Variants in FADS2 observed in about 807,000 individuals in gnomAD.
The protein encoded by FADS2 is acyl-CoA 6-desaturase.
FADS2 carries 18 observed loss-of-function variants against 61.2 expected under a neutral mutation model. The ratio of observed to expected loss-of-function variants is 0.29; its 90% CI spans 0.20 to 0.44. The LOEUF (loss-of-function observed/expected upper bound fraction) is 0.44. Among genes scored for constraint, FADS2 ranks in the 20% least tolerant of loss-of-function variants. FADS2 has a pLI of 1.00. For synonymous variants in FADS2, 203 were observed against 223.9 expected, an observed-to-expected ratio of 0.91 and a Z score of 0.83; for missense variants, 322 against 572.7, an observed-to-expected ratio of 0.56 and a Z score of 4.47.
intron 7 of FADS2, among the ~76,000 whole-genome samples, chr11:61,860,795 C>A (rs2067407298): frequency 1.3e-5 from 2 of 152,140 alleles, no homozygotes; most frequent in Admixed American, 1.3e-4. Flanking sequence ...TGTAATCTAC[C>A]TACTTTGGAG....
At chr11:61,839,790 C>A (rs2067203601) in intron 2 of FADS2, among the ~76,000 whole-genome samples, 1 of 152,234 alleles carries the variant, frequency 6.6e-6, no homozygotes, top group African/African-American at 2.4e-5. Context: ...CCCTGGCAGG[C>A]ACCATTCTAC....
chr11:61,835,266 G>A (rs2067163219), intron 1 of FADS2, among the ~76,000 whole-genome samples: 1 of 152,132 alleles, frequency 6.6e-6, no homozygotes, highest in Admixed American at 6.5e-5. Flanking sequence ...CAAAGACCAA[G>A]CAAAGGACTT....
At chr11:61,843,909 C>T (rs2067235912) in intron 4 of FADS2, among the ~76,000 whole-genome samples, 1 of 152,034 alleles carries the variant, frequency 6.6e-6, no homozygotes, top group African/African-American at 2.4e-5. Context: ...GATCCACCTG[C>T]CTTGGCCTCC....
At chr11:61,826,477 C>A (rs942497836), upstream of FADS2, 7 of 639,646 alleles carry the variant, frequency 1.1e-5, no homozygotes, top group Non-Finnish European at 2.0e-5. Context: ...ACACCCTTTA[C>A]AAATGTTCAT....
chr11:61,837,924 C>A, intron 2 of FADS2, 36 bp downstream of exon 2: 1 of 1,484,938 alleles, frequency 6.7e-7, no homozygotes, highest in Non-Finnish European at 9.3e-7. Context: ...GGGGTGGAGA[C>A]GAGGCTGGGG....
chr11:61,857,082 G>A lies in FADS2; in HGVS notation c.805+11G>A, dbSNP rs369560366. 53 of 1,612,712 alleles carry A rather than the reference G, an allele frequency of 3.3e-5. No individual in the cohort carries two copies. Among genetic ancestry groups the A allele is most frequent in the Admixed American group, 8.3e-5 (5 of 59,974 alleles). ...AATACTTCTTCCTGAGTGAGTGCTC[G>A]GCGCCCCGAAATCACTCTGGGACCC... On this transcript the variant is annotated intron_variant, in intron 6 of 11. Transcript: ENST00000278840.
chr11:61,841,615 G>C (rs1164794078), intron 4 of FADS2, among the ~76,000 whole-genome samples: 1 of 151,618 alleles, frequency 6.6e-6, no homozygotes, highest in Non-Finnish European at 1.5e-5. Flanking sequence ...AGCAGCATTT[G>C]AAACAGCAAC....
chr11:61,826,375 T>C (rs1410158557), upstream of FADS2: 4 of 702,602 alleles, frequency 5.7e-6, no homozygotes, highest in South Asian at 1.5e-5. Flanking sequence ...AGGCCACCCA[T>C]ACGTGCTCCC....
chr11:61,843,087 G>A (rs901312855), intron 4 of FADS2, among the ~76,000 whole-genome samples: 1 of 152,220 alleles, frequency 6.6e-6, no homozygotes, highest in Non-Finnish European at 1.5e-5. Context: ...TTACAAAGAC[G>A]ATTCTGAGGT....
Position 61,858,976 on chromosome 11 carries a change from C to A in FADS2, c.882+1446C>A, listed in dbSNP as rs745899172. Among the ~76,000 whole-genome samples the A allele has an allele frequency of 5.3e-5, 8 of 152,212 alleles. No individual in the cohort carries two copies. The South Asian group carries it at 1.2e-3, about 24-fold the overall frequency. On this transcript the variant is annotated intron_variant, in intron 7 of 11. Transcript: ENST00000278840. ...AGTCTTTCTCAGCAGTCTATTTGTCCCTCATGCTCCAACCAATAGCCATGG... is the reference window on the plus strand; with the variant it reads ...AGTCTTTCTCAGCAGTCTATTTGTCACTCATGCTCCAACCAATAGCCATGG...
intron 1 of FADS2, among the ~76,000 whole-genome samples, chr11:61,833,204 T>A (rs937618965): frequency 6.6e-6 from 1 of 152,186 alleles, no homozygotes; most frequent in African/African-American, 2.4e-5. Context: ...TACCAATCCT[T>A]TCTCTTCCCC....
At chr11:61,816,249 C>A, upstream of FADS2, 2 of 1,597,140 alleles carry the variant, frequency 1.3e-6, no homozygotes, top group Non-Finnish European at 1.7e-6. The surrounding 1 kb of genome is among the most constrained non-coding windows in gnomAD (Gnocchi z 7.0). Context: ...GGGTTCTGTC[C>A]CCGCCCAGAG....
intron 5 of FADS2, among the ~76,000 whole-genome samples, chr11:61,853,453 C>T (rs1397252224): frequency 5.3e-5 from 8 of 152,082 alleles, no homozygotes; most frequent in South Asian, 4.2e-4. Flanking sequence ...AGTTTAATAG[C>T]GGTGATATTG....
At position 61,865,549 on chromosome 11, in the gene FADS2, C is replaced by A; in HGVS notation, c.1284-89C>A. ...GGTTAGGGCCAAGGGGACATACATG[C>A]CACCTTAATGATGGCCTCCTCAGCC... On this transcript the variant is annotated intron_variant, in intron 11 of 11. Transcript: ENST00000278840. The surrounding 1 kb of genome is among the most constrained non-coding windows in gnomAD (Gnocchi z 4.1). The A allele has an allele frequency of 1.6e-6, 2 of 1,240,396 alleles. No homozygotes were observed. The highest frequency in any genetic ancestry group is 2.3e-6 in the Non-Finnish European group (2 of 858,560). 76.8% of individuals were successfully genotyped at this position (1,240,396 alleles called of 1,614,324 possible). A position where few individuals can be genotyped will look rare whatever the true frequency, so the allele number is the denominator to read the frequency against.
intron 5 of FADS2, among the ~76,000 whole-genome samples, chr11:61,851,351 G>A (rs977842587): frequency 6.6e-6 from 1 of 152,172 alleles, no homozygotes; most frequent in African/African-American, 2.4e-5. Context: ...TCTCACCCCC[G>A]ACACTTCTGG....
At chr11:61,842,249 G>T (rs186992444) in intron 4 of FADS2, among the ~76,000 whole-genome samples, 4 of 152,340 alleles carry the variant, frequency 2.6e-5, no homozygotes. Flanking sequence ...GTTTCGCAGC[G>T]AGCAGCTTGC....
intron 4 of FADS2, chr11:61,847,856 C>G (rs1251250927): frequency 2.7e-6 from 1 of 366,020 alleles, no homozygotes; most frequent in African/African-American, 2.1e-5. Context: ...GAGGCAGAGA[C>G]TGGCTGCCAC....
At chr11:61,863,656 G>A (rs369954267) in intron 9 of FADS2, 51 bp from the exon 10 acceptor site, 38 of 1,505,958 alleles carry the variant, frequency 2.5e-5, no homozygotes, top group African/African-American at 1.5e-4. Context: ...GAATGAGGCC[G>A]GGCCCTTGGG....
intron 5 of FADS2, chr11:61,856,594 G>A (rs569899558): frequency 5.5e-5 from 9 of 163,968 alleles, no homozygotes; most frequent in South Asian, 1.9e-4. Context: ...CTTATGCTCC[G>A]CCGAGAGTTG....
Sources: allele counts gnomAD v4.1 joint callset (sites outside exome capture counted in the v4.1 genomes callset), GRCh38; gene constraint gnomAD v4.1.1; non-coding constraint Gnocchi (gnomAD v3.1); transcripts MANE v1.5; gene names NCBI Gene and HGNC (gene_info 2026-07-23, HGNC 2026-07-21).